DNAH5: variants seen among roughly 807,000 people sequenced by gnomAD.
DNAH5 encodes axonemal beta dynein heavy chain 5.
A neutral mutation model predicts 518.2 loss-of-function variants in DNAH5; 372 were observed. The observed-to-expected ratio is 0.72, with a 90% CI of 0.66 to 0.78. DNAH5 has a LOEUF of 0.78. Among genes scored for constraint, DNAH5 ranks in the 30% least tolerant of loss-of-function variants. The probability of loss-of-function intolerance (pLI) is 0.00; values close to 1 mark genes in which losing one functional copy is unlikely to be tolerated. For synonymous variants in DNAH5, 2,039 were observed against 2,025.9 expected, an observed-to-expected ratio of 1.01 and a Z score of -0.17; for missense variants, 5,523 against 5,687.0, an observed-to-expected ratio of 0.97 and a Z score of 0.93.
At chr5:13,949,990 C>T (rs1780255003) in intron 1 of DNAH5, among the ~76,000 whole-genome samples, 1 of 152,196 alleles carries the variant, frequency 6.6e-6, no homozygotes, top group African/African-American at 2.4e-5. Context: ...TTGCAGGTAA[C>T]TTCTGGCTCC....
rs1001223985 is a variant in DNAH5, at chr5:13,850,721, T to C, written c.5045A>G (p.Asp1682Gly). The C allele has an allele frequency of 1.2e-5, 19 of 1,614,040 alleles. No individual in the cohort carries two copies. Among genetic ancestry groups the C allele is most frequent in the East Asian group, 4.5e-5 (2 of 44,890 alleles). Residue 1682 changes from aspartate (D) to glycine (G), a missense_variant, in exon 31 of 79, where the codon GAT becomes GGT. Transcript: ENST00000265104. ...VPSVVQCCVG[D>G]ETLGQLLPHL... The stretch of plus-strand genomic sequence containing the variant: ...TGGTAACAGCTGCCCCAGGGTCTCA[T>C]CTCCAACACAGCACTGGACTACACT...
intron 51 of DNAH5, among the ~76,000 whole-genome samples, chr5:13,788,081 T>C (rs981296389): frequency 6.6e-6 from 1 of 152,192 alleles, no homozygotes; most frequent in Non-Finnish European, 1.5e-5. Context: ...AGAAAAGTCA[T>C]ATATCTCAAT....
chr5:13,978,705 A>G lies in DNAH5; in HGVS notation c.12+32943T>C, dbSNP rs116655046. 5.6e-3 allele frequency among the ~76,000 whole-genome samples: 849 copies of G among 152,308 alleles called. 10 individuals are homozygous for G. Among genetic ancestry groups the G allele is most frequent in the African/African-American group, 0.019 (789 of 41,562 alleles). Reference sequence around the variant, plus strand: ...AAGCTGCTGTTCAGGTTTGTAGCCTAGGGGCAATAGGCTATGCCATATAGC... The same window carrying G: ...AAGCTGCTGTTCAGGTTTGTAGCCTGGGGGCAATAGGCTATGCCATATAGC... On this transcript the variant is annotated intron_variant, in intron 1 of 78. Transcript: ENST00000681290.
At chr5:13,866,405 G>A (rs1309500554) in intron 25 of DNAH5, 123 bp from the exon 26 acceptor site, 9 of 849,516 alleles carry the variant, frequency 1.1e-5, no homozygotes, top group African/African-American at 3.5e-5. Context: ...ATTTTTATTT[G>A]TTAGAAAAAA....
chr5:13,929,999 G>T (rs989306906), intron 2 of DNAH5, among the ~76,000 whole-genome samples: 1 of 152,174 alleles, frequency 6.6e-6, no homozygotes, highest in African/African-American at 2.4e-5. Context: ...AGTCATAGAT[G>T]AAAGAGACTG....
rs560771562 is a variant in DNAH5 at position 13,775,430 on chromosome 5, T to C, written c.9373+1009A>G. On this transcript the variant is annotated intron_variant, in intron 55 of 78. Coordinates refer to ENST00000265104, the MANE Select transcript of DNAH5 (RefSeq NM_001369.3). ...GATGGATAGATGGATGGATAGATAA[T>C]AGACAGATAAAGATAGATGGATAGA... is the stretch of plus-strand genomic sequence containing the variant. Among the ~76,000 whole-genome samples the C allele has an allele frequency of 2.3e-3, 353 of 152,108 alleles. 4 individuals carry two copies. The highest frequency in any genetic ancestry group is 8.1e-3 in the African/African-American group (338 of 41,498).
intron 47 of DNAH5, among the ~76,000 whole-genome samples, chr5:13,805,943 G>A (rs1759516401): frequency 6.6e-6 from 1 of 152,054 alleles, no homozygotes; most frequent in Non-Finnish European, 1.5e-5. Flanking sequence ...TCTGAAGTCT[G>A]CATTAGCTCT....
At chr5:13,830,353 A>G in intron 36 of DNAH5, 140 bp from the exon 37 acceptor site, 1 of 924,764 alleles carries the variant, frequency 1.1e-6, no homozygotes. Flanking sequence ...CTATGCATCA[A>G]GTGACCCAAA....
chr5:13,705,860 A>G (rs1476721411), intron 76 of DNAH5, among the ~76,000 whole-genome samples: 1 of 152,202 alleles, frequency 6.6e-6, no homozygotes, highest in African/African-American at 2.4e-5. Flanking sequence ...GAGAGACTGG[A>G]CTAGGACTGC....
chr5:13,917,167 A>T lies in DNAH5; in HGVS notation c.1065T>A (p.Cys355Ter). ...VKYLYTLEKC[C>*]DPLYSSDPLS... ...CGGGATCACTGCTGTACAAAGGGTC[A>T]CAACATTTTTCAAGTGTATACAAGT... The change falls in exon 8 of 79, where the codon TGT (cysteine) becomes TGA (stop). Residue 355 changes from cysteine to a stop codon, truncating the protein, a stop_gained. Transcript: ENST00000265104. LOFTEE classifies it high-confidence loss of function. 1 of 1,613,890 alleles carries T rather than the reference A, an allele frequency of 6.2e-7. No homozygotes were observed. Among genetic ancestry groups the T allele is most frequent in the Non-Finnish European group, 8.5e-7 (1 of 1,179,824 alleles).
chr5:13,876,657 T>C, intron 22 of DNAH5, 27 bp downstream of exon 22: 2 of 1,609,906 alleles, frequency 1.2e-6, no homozygotes, highest in Non-Finnish European at 8.5e-7. Flanking sequence ...AAGCAAAAGG[T>C]CCGGCTGCCA....
At chr5:13,723,777 T>A (rs976325931) in intron 70 of DNAH5, among the ~76,000 whole-genome samples, 6 of 152,194 alleles carry the variant, frequency 3.9e-5, no homozygotes, top group Admixed American at 2.0e-4. Context: ...AATTCTTAAG[T>A]CACCAGCTGA....
At chr5:13,911,124 T>C (rs1230630575) in intron 12 of DNAH5, among the ~76,000 whole-genome samples, 3 of 152,178 alleles carry the variant, frequency 2.0e-5, no homozygotes, top group Admixed American at 2.0e-4. Context: ...AAGATGAAAG[T>C]TAACTTTCTA....
chr5:13,867,969 T>G lies in DNAH5; in HGVS notation c.3858A>C (p.Arg1286Ser). The change falls in exon 25 of 79, where the codon AGA becomes AGC. Residue 1286 changes from arginine to serine, a missense_variant. Arg to Ser is a moderately radical substitution (Grantham distance 110, BLOSUM62 -1). Coordinates refer to ENST00000265104, the MANE Select transcript of DNAH5 (RefSeq NM_001369.3). ...CTTCCCTTGCTATCAGAAGTCCATA[T>G]CTGTTAAGCAGGGCATAAGATTCCT... ...PIEESYALLN[R>S]YGLLIAREEI... The G allele has an allele frequency of 6.2e-7, 1 of 1,612,920 alleles. No homozygotes were observed. The highest frequency in any genetic ancestry group is 1.1e-5 in the South Asian group (1 of 90,948).
intron 1 of DNAH5, among the ~76,000 whole-genome samples, chr5:14,004,316 C>G (rs915041911): frequency 1.3e-5 from 2 of 152,150 alleles, no homozygotes; most frequent in African/African-American, 4.8e-5. Context: ...CCACCTTTCT[C>G]TGATGAGCTG....
chr5:14,000,966 A>G (rs1043406270), intron 1 of DNAH5, among the ~76,000 whole-genome samples: 1 of 152,222 alleles, frequency 6.6e-6, no homozygotes, highest in African/African-American at 2.4e-5. Flanking sequence ...CATAGCCATT[A>G]AAAAGAATGA....
At chr5:13,747,718 G>A (rs34476088) in intron 65 of DNAH5, among the ~76,000 whole-genome samples, 55,064 of 151,904 alleles carry the variant, frequency 0.36, 10,336 homozygotes, top group South Asian at 0.5. Context: ...TCCTTCGCCC[G>A]CTTGTTGATG....
intron 1 of DNAH5, among the ~76,000 whole-genome samples, chr5:13,980,369 T>A (rs972649373): frequency 1.3e-5 from 2 of 152,150 alleles, no homozygotes; most frequent in Non-Finnish European, 2.9e-5. Context: ...ACTCCAGACA[T>A]GGATGTCCAA....
intron 58 of DNAH5, among the ~76,000 whole-genome samples, chr5:13,768,586 G>A (rs1325490351): frequency 3.9e-5 from 6 of 152,200 alleles, no homozygotes; most frequent in African/African-American, 1.2e-4. Context: ...AGAAAACGTC[G>A]TATCTTACAG....
Sources: gnomAD v4.1 joint callset for allele counts (sites outside exome capture counted in the v4.1 genomes callset) on GRCh38, gnomAD v4.1.1 for gene constraint, MANE v1.5 for transcripts, NCBI Gene and HGNC (gene_info 2026-07-23, HGNC 2026-07-21) for gene names.